TAPT1: variants seen among roughly 807,000 people sequenced by gnomAD.
TAPT1 encodes transmembrane anterior posterior transformation protein 1 homolog.
TAPT1 carries 28 observed loss-of-function variants against 65.6 expected under a neutral mutation model. The observed-to-expected ratio is 0.43, with a 90% CI of 0.32 to 0.59. The LOEUF (loss-of-function observed/expected upper bound fraction) is 0.59. TAPT1 is among the 20% of genes least tolerant of loss of function. The pLI is 0.09. For synonymous variants in TAPT1, 278 were observed against 245.2 expected (o/e 1.13, Z -1.25); for missense variants, 563 against 679.9 (o/e 0.83, Z 1.91).
chr4:16,173,128 G>C (rs1173170932), intron 11 of TAPT1, among the ~76,000 whole-genome samples: 1 of 152,096 alleles, frequency 6.6e-6, no homozygotes, highest in Non-Finnish European at 1.5e-5. Flanking sequence ...CCAGCTGGTT[G>C]CATCTGTTTT....
chr4:16,172,899 A>G (rs1291515559), intron 11 of TAPT1, among the ~76,000 whole-genome samples: 1 of 151,506 alleles, frequency 6.6e-6, no homozygotes, highest in Non-Finnish European at 1.5e-5. Context: ...ATCTCGGCTT[A>G]CTGCAACCTT....
chr4:16,213,983 A>C, intron 1 of TAPT1, 85 bp from the exon 2 acceptor site: 1 of 1,185,990 alleles, frequency 8.4e-7, no homozygotes, highest in East Asian at 2.7e-5. Flanking sequence ...GGTAATATAC[A>C]TATAAAACAA....
intron 1 of TAPT1, chr4:16,225,862 A>C (rs1182930707): frequency 8.1e-6 from 8 of 984,722 alleles, no homozygotes; most frequent in Non-Finnish European, 9.6e-6. Flanking sequence ...AATACAGAAC[A>C]AAAAAAGTCA....
At chr4:16,203,243 A>G (rs897768017) in intron 2 of TAPT1, among the ~76,000 whole-genome samples, 4 of 152,206 alleles carry the variant, frequency 2.6e-5, no homozygotes, top group African/African-American at 9.6e-5. Context: ...AAACTCAGCT[A>G]CTCATTTTAA....
chr4:16,209,732 C>A (rs1750551334), intron 2 of TAPT1, among the ~76,000 whole-genome samples: 1 of 152,150 alleles, frequency 6.6e-6, no homozygotes, highest in Admixed American at 6.5e-5. Flanking sequence ...GTGGGGTGGA[C>A]AAAGGAATTG....
intron 5 of TAPT1, 30 bp downstream of exon 5, chr4:16,188,190 C>T (rs376778046): frequency 4.5e-5 from 71 of 1,565,104 alleles, no homozygotes; most frequent in South Asian, 6.1e-5. Flanking sequence ...CATTAACTGT[C>T]GGAAATTTCC....
intron 7 of TAPT1, 147 bp from the exon 8 acceptor site, chr4:16,179,804 G>GTGTATATATATATATATA: frequency 9.0e-6 from 1 of 110,910 alleles, no homozygotes; most frequent in Non-Finnish European, 1.9e-5. Flanking sequence ...ATATATATAT[G>GTGTATATATATATATATA]TGTGTGTGTG....
At chr4:16,200,748 G>A (rs1336154382) in intron 3 of TAPT1, among the ~76,000 whole-genome samples, 1 of 152,040 alleles carries the variant, frequency 6.6e-6, no homozygotes, top group Non-Finnish European at 1.5e-5. Flanking sequence ...TTGTATTTGG[G>A]TCTTCTGAAA....
At chr4:16,213,056 C>T (rs975307240) in intron 2 of TAPT1, among the ~76,000 whole-genome samples, 2 of 152,198 alleles carry the variant, frequency 1.3e-5, no homozygotes, top group African/African-American at 4.8e-5. Flanking sequence ...ACAAGATTTA[C>T]GTTACTACAG....
intron 2 of TAPT1, among the ~76,000 whole-genome samples, chr4:16,212,369 T>C (rs1750692054): frequency 6.6e-6 from 1 of 152,184 alleles, no homozygotes; most frequent in Non-Finnish European, 1.5e-5. Flanking sequence ...CTGCACTGTG[T>C]CCTCACACTT....
At chr4:16,194,133 A>C (rs1560171655) in intron 3 of TAPT1, among the ~76,000 whole-genome samples, 1 of 152,248 alleles carries the variant, frequency 6.6e-6, no homozygotes. Context: ...AGCCATAGTT[A>C]GAAATTAGAT....
chr4:16,171,612 G>A (rs1392200588), intron 11 of TAPT1, among the ~76,000 whole-genome samples: 4 of 152,114 alleles, frequency 2.6e-5, no homozygotes, highest in Admixed American at 6.6e-5. Flanking sequence ...AGAACAATTG[G>A]GAAGAGCTGG....
At chr4:16,221,033 C>T (rs1165943567) in intron 1 of TAPT1, among the ~76,000 whole-genome samples, 3 of 151,858 alleles carry the variant, frequency 2.0e-5, no homozygotes, top group African/African-American at 7.3e-5. Flanking sequence ...CGTGCCCAGC[C>T]GTCAACTGTG....
chr4:16,175,767 T>C (rs753134663), intron 9 of TAPT1, among the ~76,000 whole-genome samples: 1 of 152,140 alleles, frequency 6.6e-6, no homozygotes, highest in Non-Finnish European at 1.5e-5. Context: ...ATATAAAATA[T>C]TTTAAAAACC....
chr4:16,198,419 AAG>A (rs772159287), intron 3 of TAPT1, among the ~76,000 whole-genome samples: 1 of 152,228 alleles, frequency 6.6e-6, no homozygotes, highest in African/African-American at 2.4e-5. Context: ...AGAGTCTGCA[AAG>A]AGTTACTGTT....
intron 11 of TAPT1, among the ~76,000 whole-genome samples, chr4:16,171,577 G>T (rs1004425305): frequency 2.6e-5 from 4 of 152,028 alleles, no homozygotes; most frequent in Non-Finnish European, 5.9e-5. Context: ...CATTTAAAAA[G>T]ACATTTAAAA....
At chr4:16,212,357 C>T (rs886747648) in intron 2 of TAPT1, among the ~76,000 whole-genome samples, 6 of 152,216 alleles carry the variant, frequency 3.9e-5, no homozygotes, top group Non-Finnish European at 8.8e-5. Flanking sequence ...TTCCCACTTC[C>T]CCTGCACTGT....
intron 11 of TAPT1, among the ~76,000 whole-genome samples, chr4:16,172,323 C>T (rs1346609414): frequency 6.6e-6 from 1 of 150,890 alleles, no homozygotes; most frequent in African/African-American, 2.4e-5. Flanking sequence ...AAAGCAGGAT[C>T]ATATTTAAAT....
chr4:16,223,713 C>T (rs1018285180), intron 1 of TAPT1, among the ~76,000 whole-genome samples: 4 of 152,104 alleles, frequency 2.6e-5, no homozygotes, highest in African/African-American at 9.7e-5. Context: ...GCATATACAG[C>T]TATTCATACA....
Sources: gnomAD v4.1 joint callset for allele counts (sites outside exome capture counted in the v4.1 genomes callset) on GRCh38, gnomAD v4.1.1 for gene constraint, MANE v1.5 for transcripts, NCBI Gene and HGNC (gene_info 2026-07-23, HGNC 2026-07-21) for gene names.